NRP1: variants seen among roughly 807,000 people sequenced by gnomAD.
The protein encoded by NRP1 is neuropilin 1.
In NRP1, 35 loss-of-function variants were observed where a neutral mutation model predicts 106.7. The observed-to-expected ratio is 0.33, with a 90% confidence interval of 0.25 to 0.43. The LOEUF (loss-of-function observed/expected upper bound fraction) is 0.43. Among genes scored for constraint, NRP1 ranks in the 20% least tolerant of loss-of-function variants. The pLI is 1.00. For missense variants in NRP1, 1,024 were observed against 1,170.4 expected, an observed-to-expected ratio of 0.87 and a Z score of 1.83; for synonymous variants, 437 against 417.9, an observed-to-expected ratio of 1.05 and a Z score of -0.56.
chr10:33,188,364 A>G (rs916004724), intron 13 of NRP1, among the ~76,000 whole-genome samples: 1 of 152,152 alleles, frequency 6.6e-6, no homozygotes, highest in African/African-American at 2.4e-5. Context: ...ACTCAACTGC[A>G]CCATAATCAC....
intron 6 of NRP1, chr10:33,249,288 A>T (rs1412179899): frequency 2.1e-5 from 7 of 325,664 alleles, no homozygotes; most frequent in East Asian, 1.5e-4. Context: ...TACGTTCAGG[A>T]TCTTTGAGAA....
At chr10:33,242,761 C>G (rs998012715) in intron 6 of NRP1, among the ~76,000 whole-genome samples, 1 of 152,098 alleles carries the variant, frequency 6.6e-6, no homozygotes, top group African/African-American at 2.4e-5. Flanking sequence ...GGGTCTTGGT[C>G]TTTTATTCTG....
intron 2 of NRP1, 62 bp downstream of exon 2, chr10:33,330,646 C>G (rs1164391065): frequency 2.1e-5 from 30 of 1,438,920 alleles, no homozygotes; most frequent in South Asian, 8.3e-5. Flanking sequence ...ACTTCCCCCC[C>G]GTAGACAGGC....
At chr10:33,328,462 C>T (rs1848049200) in intron 2 of NRP1, among the ~76,000 whole-genome samples, 1 of 152,158 alleles carries the variant, frequency 6.6e-6, no homozygotes, top group Admixed American at 6.5e-5. Context: ...TAGTTTACTA[C>T]ACCAACTCAA....
intron 3 of NRP1, among the ~76,000 whole-genome samples, chr10:33,267,875 G>A (rs1407377322): frequency 6.6e-6 from 1 of 152,176 alleles, no homozygotes; most frequent in Non-Finnish European, 1.5e-5. Flanking sequence ...TGGCCTTGTT[G>A]ACTGTCAGGC....
chr10:33,194,233 T>C (rs1836615247), intron 12 of NRP1: 1 of 152,774 alleles, frequency 6.5e-6, no homozygotes, highest in South Asian at 2.1e-4. Flanking sequence ...GACCCTGAAA[T>C]GTACTGTTGC....
At chr10:33,269,677 T>C (rs1006285259) in intron 3 of NRP1, among the ~76,000 whole-genome samples, 3 of 152,166 alleles carry the variant, frequency 2.0e-5, no homozygotes, top group African/African-American at 4.8e-5. Context: ...CAAAGTGTTG[T>C]CTGTATTTAC....
intron 2 of NRP1, among the ~76,000 whole-genome samples, chr10:33,294,230 T>C (rs1406682494): frequency 1.3e-5 from 2 of 152,190 alleles, no homozygotes; most frequent in East Asian, 1.9e-4. Context: ...AATGTGAGAA[T>C]ATAGCCAGAG....
chr10:33,249,563 C>T (rs373725849), intron 6 of NRP1: 38 of 504,570 alleles, frequency 7.5e-5, no homozygotes, highest in African/African-American at 7.1e-4. Context: ...GAATGATTAA[C>T]CAGAAACAAA....
chr10:33,292,680 T>C (rs1453411774), intron 2 of NRP1, among the ~76,000 whole-genome samples: 1 of 152,130 alleles, frequency 6.6e-6, no homozygotes, highest in African/African-American at 2.4e-5. Context: ...GATAAGCAGA[T>C]TTGTATCTGT....
chr10:33,301,750 A>G (rs1479643351), intron 2 of NRP1, among the ~76,000 whole-genome samples: 1 of 152,158 alleles, frequency 6.6e-6, no homozygotes, highest in African/African-American at 2.4e-5. Context: ...CAAGAAAAAA[A>G]AGTTTTTGGA....
Position 33,263,870 on chromosome 10 carries a change from G to C in NRP1, c.434C>G (p.Pro145Arg). 2.5e-6 allele frequency: 4 copies of C among 1,595,164 alleles called. No homozygotes were observed. The highest frequency in any genetic ancestry group is 3.4e-6 in the Non-Finnish European group (4 of 1,163,034). ...TGTTGTGTAGTTCTGGGAACATTCA[G>C]GACCTATGAGTAGAAGAGAAAAAGG... ...SIRYEIFKRG[P>R]ECSQNYTTPS... The change falls in exon 4 of 17, where the codon CCT becomes CGT. Residue 145 changes from proline to arginine, a missense_variant. Transcript: ENST00000374867.
intron 2 of NRP1, among the ~76,000 whole-genome samples, chr10:33,285,358 A>C (rs531854415): frequency 8.5e-5 from 13 of 152,336 alleles, no homozygotes; most frequent in African/African-American, 3.1e-4. Flanking sequence ...CAGAACACTC[A>C]ATGGAGTGGA....
At chr10:33,192,586 T>C (rs1225082763) in intron 12 of NRP1, among the ~76,000 whole-genome samples, 168 bp from the exon 13 acceptor site, 1 of 152,148 alleles carries the variant, frequency 6.6e-6, no homozygotes, top group African/African-American at 2.4e-5. Flanking sequence ...AAAAGATGCA[T>C]GGAGATGTCA....
chr10:33,207,968 C>A (rs180926750), intron 9 of NRP1, among the ~76,000 whole-genome samples: 235 of 152,146 alleles, frequency 1.5e-3, no homozygotes, highest in African/African-American at 5.5e-3. Context: ...CTCTGTCGCC[C>A]AGGGTGGAGT....
intron 2 of NRP1, among the ~76,000 whole-genome samples, chr10:33,271,420 C>T (rs1843305012): frequency 6.6e-6 from 1 of 152,194 alleles, no homozygotes; most frequent in Non-Finnish European, 1.5e-5. Flanking sequence ...TCAGTAGCCA[C>T]ATCCAATAGT....
intron 2 of NRP1, among the ~76,000 whole-genome samples, chr10:33,314,647 A>C (rs1846886818): frequency 6.6e-6 from 1 of 152,110 alleles, no homozygotes; most frequent in Non-Finnish European, 1.5e-5. Flanking sequence ...CACACGCCTT[A>C]AGAAACACTT....
intron 12 of NRP1, among the ~76,000 whole-genome samples, chr10:33,192,803 A>AC (rs750294468): frequency 2.6e-4 from 40 of 152,228 alleles, no homozygotes; most frequent in Non-Finnish European, 5.3e-4. Context: ...ATAAGTTGAT[A>AC]CCCACCAATG....
At chr10:33,294,017 T>C (rs1845197277) in intron 2 of NRP1, among the ~76,000 whole-genome samples, 1 of 152,218 alleles carries the variant, frequency 6.6e-6, no homozygotes, top group Admixed American at 6.5e-5. Flanking sequence ...ACATTACTAT[T>C]GAACAATGCT....
Sources: allele counts gnomAD v4.1 joint callset (sites outside exome capture counted in the v4.1 genomes callset), GRCh38; gene constraint gnomAD v4.1.1; transcripts MANE v1.5; gene names NCBI Gene and HGNC (gene_info 2026-07-23, HGNC 2026-07-21).